The following FAM227B variants were observed in gnomAD, a reference collection of about 807,000 sequenced individuals.
FAM227B encodes protein FAM227B.
A neutral mutation model predicts 73.8 loss-of-function variants in FAM227B; 88 were observed. The ratio of observed to expected loss-of-function variants is 1.19; its 90% CI spans 1.00 to 1.42. The LOEUF (loss-of-function observed/expected upper bound fraction) is 1.42, where lower values mean the gene tolerates loss of function less well. Among genes scored for constraint, FAM227B ranks in the 40% most tolerant of loss-of-function variants. The pLI, the probability that FAM227B is intolerant of heterozygous loss-of-function variation, is 0.00. For synonymous variants in FAM227B, 210 were observed against 190.5 expected, an observed-to-expected ratio of 1.10 and a Z score of -0.84; for missense variants, 632 against 590.9, an observed-to-expected ratio of 1.07 and a Z score of -0.72.
At chr15:49,493,576 CGAT>C (rs1567393749) in intron 11 of FAM227B, among the ~76,000 whole-genome samples, 2 of 151,940 alleles carry the variant, frequency 1.3e-5, no homozygotes, top group Non-Finnish European at 2.9e-5. Context: ...TCCTGCCTTA[CGAT>C]GATTTTTCTC....
intron 8 of FAM227B, among the ~76,000 whole-genome samples, chr15:49,571,266 T>G (rs1349602437): frequency 1.3e-5 from 2 of 152,002 alleles, no homozygotes; most frequent in African/African-American, 4.8e-5. Context: ...CCTTATCAGA[T>G]GTATGGTTTT....
chr15:49,549,143 A>G (rs1323627880), intron 9 of FAM227B, among the ~76,000 whole-genome samples: 1 of 152,128 alleles, frequency 6.6e-6, no homozygotes, highest in East Asian at 1.9e-4. Flanking sequence ...ACTTACAGCT[A>G]TAAATATGCC....
intron 11 of FAM227B, chr15:49,422,409 T>C (rs1300622239): frequency 3.6e-6 from 2 of 551,224 alleles, no homozygotes; most frequent in Non-Finnish European, 5.2e-6. Context: ...ATTCCATCTC[T>C]AAATTAACAT....
At chr15:49,467,580 A>G (rs978599003) in intron 11 of FAM227B, among the ~76,000 whole-genome samples, 1 of 152,166 alleles carries the variant, frequency 6.6e-6, no homozygotes, top group Non-Finnish European at 1.5e-5. Flanking sequence ...ATTTCATATA[A>G]AAATCTGATA....
At chr15:49,413,181 T>C (rs2048983175) in intron 11 of FAM227B, among the ~76,000 whole-genome samples, 1 of 152,106 alleles carries the variant, frequency 6.6e-6, no homozygotes, top group African/African-American at 2.4e-5. Flanking sequence ...AATTCCCACA[T>C]GTTGTGGGAG....
intron 9 of FAM227B, among the ~76,000 whole-genome samples, chr15:49,561,855 A>G (rs2074287391): frequency 6.6e-6 from 1 of 152,180 alleles, no homozygotes; most frequent in African/African-American, 2.4e-5. Flanking sequence ...AGCAATGTTA[A>G]GAGCAAAGTT....
intron 4 of FAM227B, among the ~76,000 whole-genome samples, 159 bp downstream of exon 4, chr15:49,589,617 A>C (rs1001481999): frequency 1.3e-5 from 2 of 151,742 alleles, no homozygotes; most frequent in Non-Finnish European, 1.5e-5. Context: ...TTACTAACAC[A>C]AAAAATAAGG....
intron 10 of FAM227B, among the ~76,000 whole-genome samples, chr15:49,518,045 C>A (rs76229885): frequency 0.023 from 3,460 of 152,164 alleles, 46 homozygotes; most frequent in Middle Eastern, 0.12. Context: ...TACTGATGGG[C>A]ATTTTTACAG....
chr15:49,400,698 A>T (rs375970406), intron 11 of FAM227B, among the ~76,000 whole-genome samples: 2 of 149,616 alleles, frequency 1.3e-5, no homozygotes, highest in Middle Eastern at 3.4e-3. Context: ...ATAATGCCAC[A>T]TATCTACAAC....
chr15:49,418,322 A>C (rs1464222961), intron 11 of FAM227B, among the ~76,000 whole-genome samples: 1 of 152,192 alleles, frequency 6.6e-6, no homozygotes, highest in East Asian at 1.9e-4. Flanking sequence ...TATGTACCCA[A>C]AGGAATATAA....
At chr15:49,431,018 A>G (rs1021573079) in intron 11 of FAM227B, among the ~76,000 whole-genome samples, 6 of 151,864 alleles carry the variant, frequency 4.0e-5, no homozygotes, top group African/African-American at 1.4e-4. Flanking sequence ...CTTCCTTTGT[A>G]TCACACAATT....
chr15:49,612,202 A>G (rs943136662), intron 2 of FAM227B, among the ~76,000 whole-genome samples: 4 of 151,962 alleles, frequency 2.6e-5, no homozygotes, highest in Admixed American at 6.6e-5. Context: ...TTAACTCGTC[A>G]TTTAACATTA....
In FAM227B at chr15:49,329,520, C is replaced by T. The variant is rs957637597; in HGVS notation, c.1420-845G>A. The T allele has an allele frequency of 9.1e-6, 9 of 985,152 alleles. No homozygotes were observed. The South Asian group carries it at 4.2e-4, about 46-fold the overall frequency. 61.0% of individuals were successfully genotyped at this position (985,152 alleles called of 1,614,324 possible). ...AATTTCAGTTTAAGGGAGGCCTGCG[C>T]AAAGCTAGTTTTATTTCTTAAAGGA... On this transcript the variant is annotated intron_variant, in intron 15 of 15. Coordinates refer to ENST00000299338, the MANE Select transcript of FAM227B (RefSeq NM_152647.3).
chr15:49,407,871 C>T (rs1372445465), intron 11 of FAM227B, among the ~76,000 whole-genome samples: 1 of 151,936 alleles, frequency 6.6e-6, no homozygotes, highest in Non-Finnish European at 1.5e-5. Flanking sequence ...ACTCCACATC[C>T]GCTGGCAATC....
At chr15:49,405,963 T>G (rs2048480992) in intron 11 of FAM227B, among the ~76,000 whole-genome samples, 1 of 152,146 alleles carries the variant, frequency 6.6e-6, no homozygotes. Context: ...TTGATTGTGG[T>G]ATAAGGTAGA....
chr15:49,557,925 A>G (rs1342620344), intron 9 of FAM227B, among the ~76,000 whole-genome samples: 2 of 152,176 alleles, frequency 1.3e-5, no homozygotes, highest in Non-Finnish European at 2.9e-5. Context: ...GCTAAGAAGC[A>G]GCCAGACTGC....
chr15:49,513,133 C>T (rs541581813), intron 10 of FAM227B, among the ~76,000 whole-genome samples: 13 of 152,204 alleles, frequency 8.5e-5, no homozygotes, highest in South Asian at 4.1e-4. Flanking sequence ...AATGGAATTG[C>T]TGGATCAAAT....
intron 9 of FAM227B, among the ~76,000 whole-genome samples, chr15:49,543,854 C>G (rs2071434825): frequency 6.6e-6 from 1 of 152,158 alleles, no homozygotes; most frequent in Non-Finnish European, 1.5e-5. Flanking sequence ...TTCGATTTGT[C>G]TACTTGCCTA....
intron 11 of FAM227B, among the ~76,000 whole-genome samples, chr15:49,412,881 C>T (rs1248799208): frequency 6.6e-6 from 1 of 152,076 alleles, no homozygotes; most frequent in African/African-American, 2.4e-5. Context: ...GGTTCTCATT[C>T]AAAGGAGTAA....
Sources: allele counts gnomAD v4.1 joint callset (sites outside exome capture counted in the v4.1 genomes callset), GRCh38; gene constraint gnomAD v4.1.1; transcripts MANE v1.5; gene names NCBI Gene and HGNC (gene_info 2026-07-23, HGNC 2026-07-21).